The following OPTN variants were observed in gnomAD, a reference collection of about 807,000 sequenced individuals.
OPTN encodes E3-14.7K-interacting protein.
OPTN carries 54 observed loss-of-function variants against 70.4 expected under a neutral mutation model. The ratio of observed to expected loss-of-function variants is 0.77; its 90% CI spans 0.62 to 0.96. The LOEUF is 0.96. Ranked by LOEUF, OPTN falls within the 40% of genes least tolerant of loss-of-function variation. OPTN has a pLI of 0.00. For synonymous variants in OPTN, 256 were observed against 248.5 expected (o/e 1.03, Z -0.28); for missense variants, 624 against 673.2 (o/e 0.93, Z 0.81).
At chr10:13,108,852 G>A (rs1832926421) in intron 2 of OPTN, 3 of 442,344 alleles carry the variant, frequency 6.8e-6, no homozygotes, top group East Asian at 9.0e-5. Flanking sequence ...GGCCCTCATT[G>A]TACCCTTTTA....
At chr10:13,129,778 T>C (rs1833554334) in intron 12 of OPTN, among the ~76,000 whole-genome samples, 1 of 152,248 alleles carries the variant, frequency 6.6e-6, no homozygotes, top group Non-Finnish European at 1.5e-5. Context: ...TCTTGCATTA[T>C]TTTAAAAACC....
intron 9 of OPTN, among the ~76,000 whole-genome samples, 162 bp from the exon 10 acceptor site, chr10:13,125,256 C>T (rs1833433382): frequency 6.6e-6 from 1 of 152,074 alleles, no homozygotes; most frequent in South Asian, 2.1e-4. Flanking sequence ...GAAATATGGC[C>T]AGGTCTAGTG....
At chr10:13,110,516 T>C (rs200047182) in intron 4 of OPTN, 40 bp downstream of exon 4, 59 of 970,200 alleles carry the variant, frequency 6.1e-5, no homozygotes, top group Middle Eastern at 4.8e-4. Context: ...TTTTTTTTTT[T>C]CCCTTGACAT....
chr10:13,106,569 T>G (rs2131475162), intron 1 of OPTN, among the ~76,000 whole-genome samples: 1 of 152,294 alleles, frequency 6.6e-6, no homozygotes, highest in East Asian at 1.9e-4. Flanking sequence ...TGGTACTAGC[T>G]CTTGTAGGAA....
intron 1 of OPTN, among the ~76,000 whole-genome samples, chr10:13,106,190 A>C (rs1428451717): frequency 6.6e-6 from 1 of 152,220 alleles, no homozygotes; most frequent in Non-Finnish European, 1.5e-5. Flanking sequence ...GATACAGATG[A>C]CAAGGATTTT....
At chr10:13,116,086 A>AG (rs928524774) in intron 5 of OPTN, among the ~76,000 whole-genome samples, 181 bp from the exon 6 acceptor site, 6 of 152,106 alleles carry the variant, frequency 3.9e-5, no homozygotes, top group African/African-American at 1.4e-4. Flanking sequence ...GTGCCAGGTG[A>AG]GGGGAGGGTA....
intron 4 of OPTN, 42 bp downstream of exon 4, chr10:13,110,518 C>A: frequency 6.4e-7 from 1 of 1,563,742 alleles, no homozygotes; most frequent in East Asian, 2.3e-5. Flanking sequence ...TTTTTTTTTC[C>A]CTTGACATTT....
chr10:13,137,740 A>G lies in OPTN; in HGVS notation c.*874A>G, dbSNP rs1390938778. The G allele has an allele frequency of 4.3e-6, 1 of 229,896 alleles. No individual in the cohort carries two copies. The highest frequency in any genetic ancestry group is 8.6e-6 in the Non-Finnish European group (1 of 116,038). 14.2% of individuals were successfully genotyped at this position (229,896 alleles called of 1,614,324 possible). On this transcript the variant is annotated 3_prime_UTR_variant, in exon 15 of 15. Coordinates refer to ENST00000378747, the MANE Select transcript of OPTN (RefSeq NM_001008212.2). Reference sequence around the variant, plus strand: ...GGCAGTTAGCCTTTACTTAATATCAAGACAAGTGAAAAAATATTGGCATCG... The same window carrying G: ...GGCAGTTAGCCTTTACTTAATATCAGGACAAGTGAAAAAATATTGGCATCG...
intron 7 of OPTN, among the ~76,000 whole-genome samples, chr10:13,120,033 A>G (rs1260961921): frequency 1.5e-5 from 2 of 132,724 alleles, no homozygotes; most frequent in African/African-American, 5.9e-5. Context: ...CCCAGGCTGG[A>G]GTGCAGTGGC....
chr10:13,104,633 T>G (rs747986172), intron 1 of OPTN: 11 of 689,378 alleles, frequency 1.6e-5, no homozygotes, highest in African/African-American at 3.6e-5. Context: ...CATTCCAGTA[T>G]TGTTCTGTTG....
chr10:13,115,799 GAA>G (rs1833194017), intron 5 of OPTN, among the ~76,000 whole-genome samples: 1 of 151,276 alleles, frequency 6.6e-6, no homozygotes, highest in Non-Finnish European at 1.5e-5. Context: ...TTTCTAATGG[GAA>G]CCAACTTGGC....
At chr10:13,122,558 T>C (rs1413087384) in intron 8 of OPTN, 71 bp downstream of exon 8, 1 of 968,332 alleles carries the variant, frequency 1.0e-6, no homozygotes, top group Non-Finnish European at 1.7e-6. Context: ...TGAATTCAAA[T>C]CTTGTGATGG....
chr10:13,126,441 C>T (rs10906305), intron 11 of OPTN, among the ~76,000 whole-genome samples: 29,334 of 151,222 alleles, frequency 0.19, 2,722 homozygotes, highest in East Asian at 0.29. Flanking sequence ...CCACCGCGCC[C>T]GGCTAATTTT....
chr10:13,109,096 G>A lies in OPTN; in HGVS notation c.-11-16G>A. ...GCGGGGGACAGCTCTATTTTCAACA[G>A]GTGACTTTTCCACAGGAACTTCTGC... is the stretch of plus-strand genomic sequence containing the variant. On this transcript the variant is annotated splice_polypyrimidine_tract_variant and intron_variant, in intron 2 of 14. Transcript: ENST00000378747. The A allele has an allele frequency of 6.2e-7, 1 of 1,613,268 alleles. No homozygotes were observed. Among genetic ancestry groups the A allele is most frequent in the South Asian group, 1.1e-5 (1 of 91,052 alleles).
chr10:13,112,251 G>C (rs1259892387), intron 4 of OPTN, among the ~76,000 whole-genome samples: 1 of 151,078 alleles, frequency 6.6e-6, no homozygotes, highest in Non-Finnish European at 1.5e-5. Context: ...GGGACTACAG[G>C]TGTGTGCCAC....
intron 3 of OPTN, 78 bp from the exon 4 acceptor site, chr10:13,110,196 G>A: frequency 6.3e-7 from 1 of 1,578,828 alleles, no homozygotes; most frequent in African/African-American, 1.3e-5. Context: ...GTGGTCAAGT[G>A]GACTAGAGGG....
Position 13,136,505 on chromosome 10 carries a change from CAAAAAA to C in OPTN, c.1613-221_1613-216del, listed in dbSNP as rs71386161. ...CCTGGGTGACAGCGAGACTCCGTCT[CAAAAAA>C]AAAAAAAAAAAAAAAAAATCCTAAA... On this transcript the variant is annotated intron_variant, in intron 14 of 14. Coordinates refer to ENST00000378747, the MANE Select transcript of OPTN (RefSeq NM_001008212.2). Among the ~76,000 whole-genome samples, 640 of 72,856 alleles carry C rather than the reference CAAAAAA, an allele frequency of 8.8e-3. 4 individuals carry two copies. Among genetic ancestry groups the C allele is most frequent in the African/African-American group, 0.032 (591 of 18,612 alleles). 47.8% of individuals were successfully genotyped at this position (72,856 alleles called of 152,430 possible).
At chr10:13,107,061 T>C (rs545297781) in intron 1 of OPTN, among the ~76,000 whole-genome samples, 1 of 152,124 alleles carries the variant, frequency 6.6e-6, no homozygotes, top group Non-Finnish European at 1.5e-5. Context: ...TACCTATTTA[T>C]TGGATAGATG....
At chr10:13,103,915 T>G (rs1832804311) in intron 1 of OPTN, among the ~76,000 whole-genome samples, 1 of 152,230 alleles carries the variant, frequency 6.6e-6, no homozygotes, top group Non-Finnish European at 1.5e-5. Context: ...TCATTAAATA[T>G]CACTTTTGCC....
Sources: allele counts gnomAD v4.1 joint callset (sites outside exome capture counted in the v4.1 genomes callset), GRCh38; gene constraint gnomAD v4.1.1; transcripts MANE v1.5; gene names NCBI Gene and HGNC (gene_info 2026-07-23, HGNC 2026-07-21).